Variants in HEMK1 observed in about 807,000 individuals in gnomAD.
HEMK1 encodes the protein HemK methyltransferase 1, mitochondrial release factors N(5)-glutamine, also known as MTRF1L release factor glutamine methyltransferase.
In HEMK1, 36 loss-of-function variants were observed where a neutral mutation model predicts 47.9. That is an observed-to-expected ratio of 0.75 (90% CI 0.58 to 0.99). The LOEUF is 0.99. Among genes scored for constraint, HEMK1 ranks in the 50% least tolerant of loss-of-function variants. HEMK1 has a pLI of 0.00. For missense variants in HEMK1, 383 were observed against 434.5 expected, an observed-to-expected ratio of 0.88 and a Z score of 1.05; for synonymous variants, 153 against 165.4, an observed-to-expected ratio of 0.93 and a Z score of 0.57.
chr3:50,571,050 A>T lies in HEMK1; in HGVS notation c.-55A>T, dbSNP rs139048714. The T allele has an allele frequency of 2.2e-5, 31 of 1,378,166 alleles. No individual in the cohort carries two copies. Among genetic ancestry groups the T allele is most frequent in the Non-Finnish European group, 1.0e-6 (1 of 1,004,694 alleles). The allele number at this position is 1,378,166 out of a possible 1,614,324, so 85.4% of individuals were successfully genotyped here. On this transcript the variant is annotated 5_prime_UTR_variant, in exon 2 of 11. Transcript: ENST00000232854. ...CTCAGCACTCACCTCAGCAGCTGAC[A>T]TCATAAAGCAGACTTGGGAACCTGG...
chr3:50,573,520 T>C (rs1382566271), intron 4 of HEMK1, among the ~76,000 whole-genome samples: 2 of 152,222 alleles, frequency 1.3e-5, no homozygotes, highest in Non-Finnish European at 2.9e-5. Context: ...AAGTGTGGAC[T>C]TTGGCTCCCA....
chr3:50,580,014 G>A (rs979165625), intron 9 of HEMK1, 75 bp downstream of exon 9: 32 of 1,530,884 alleles, frequency 2.1e-5, no homozygotes, highest in Non-Finnish European at 2.7e-5. Flanking sequence ...GGCAGGCCCT[G>A]GCAGAGGTCA....
chr3:50,573,624 G>A (rs1373201962), intron 4 of HEMK1, among the ~76,000 whole-genome samples: 1 of 152,216 alleles, frequency 6.6e-6, no homozygotes, highest in African/African-American at 2.4e-5. Flanking sequence ...GGGAGGCCAG[G>A]TGCTCATCTT....
At chr3:50,576,929 G>T in intron 4 of HEMK1, 123 bp from the exon 5 acceptor site, 4 of 1,178,832 alleles carry the variant, frequency 3.4e-6, no homozygotes, top group Non-Finnish European at 4.9e-6. Context: ...TGACATGAAG[G>T]TCAGTCTGGC....
rs760991226 is a variant in HEMK1, at chr3:50,577,058, G to C, written c.421G>C (p.Val141Leu). ...FIPRPETEEL[V>L]EWVLEEVAQR... ...AGATCCCTCTGCTTCACAGGAACTG[G>C]TTGAGTGGGTGCTGGAAGAGGTGGC... The change falls in exon 5 of 11, where the codon GTT becomes CTT. Residue 141 changes from valine (V) to leucine (L), a missense_variant. Coordinates refer to ENST00000232854, the MANE Select transcript of HEMK1 (RefSeq NM_016173.5). 6.2e-7 allele frequency: 1 copy of C among 1,613,860 alleles called. No individual in the cohort carries two copies. Among genetic ancestry groups the C allele is most frequent in the East Asian group, 2.2e-5 (1 of 44,886 alleles).
At chr3:50,574,929 A>G (rs1482911418) in intron 4 of HEMK1, among the ~76,000 whole-genome samples, 1 of 152,076 alleles carries the variant, frequency 6.6e-6, no homozygotes, top group East Asian at 1.9e-4. Context: ...GTGGGTGAAC[A>G]TTGTTGCTGG....
At chr3:50,575,797 G>C (rs1172799087) in intron 4 of HEMK1, among the ~76,000 whole-genome samples, 1 of 152,210 alleles carries the variant, frequency 6.6e-6, no homozygotes. Context: ...CTTTGAGAAG[G>C]AGCTACACTG....
At chr3:50,580,287 C>T in intron 10 of HEMK1, 58 bp downstream of exon 10, 2 of 1,604,906 alleles carry the variant, frequency 1.2e-6, no homozygotes, top group Non-Finnish European at 8.5e-7. Flanking sequence ...TGGGGCCATC[C>T]TCAGCCCTGG....
rs1392241518 is a variant in HEMK1, at chr3:50,583,295, A to T, written c.*2878A>T. On this transcript the variant is annotated 3_prime_UTR_variant, in exon 11 of 11. Coordinates refer to ENST00000232854, the MANE Select transcript of HEMK1 (RefSeq NM_016173.5). The stretch of plus-strand genomic sequence containing the variant: ...TTGAAATAGGCCCCGAACCCCCTAA[A>T]TGCAAAAAATACTCTTTTTTGCTCC... The T allele has an allele frequency of 1.3e-5, 2 of 152,172 alleles. No individual in the cohort carries two copies. Among genetic ancestry groups the T allele is most frequent in the African/African-American group, 4.8e-5 (2 of 41,430 alleles). 9.4% of individuals were successfully genotyped at this position (152,172 alleles called of 1,614,324 possible). A position where few individuals can be genotyped will look rare whatever the true frequency, so the allele number is the denominator to read the frequency against.
intron 1 of HEMK1, chr3:50,570,314 C>T (rs896685512): frequency 6.6e-6 from 1 of 152,194 alleles, no homozygotes; most frequent in Non-Finnish European, 1.5e-5. Context: ...TGCTTGTGAC[C>T]TCTTTAAATA....
chr3:50,593,361 GGGGCCCC>G lies in HEMK1; in HGVS notation c.*12947_*12953del, dbSNP rs1043778308. On this transcript the variant is annotated 3_prime_UTR_variant, in exon 11 of 11. Transcript: ENST00000232854. ...GGACCCTGACTGTGCACCTGACTCA[GGGGCCCC>G]GGAGAAGATTTGGTGGGCTAAGGGT... 1 of 152,176 alleles carries G rather than the reference GGGGCCCC, an allele frequency of 6.6e-6. No homozygotes were observed. Among genetic ancestry groups the G allele is most frequent in the Non-Finnish European group, 1.5e-5 (1 of 68,050 alleles). 9.4% of individuals were successfully genotyped at this position (152,176 alleles called of 1,614,324 possible). A position where few individuals can be genotyped will look rare whatever the true frequency, so the allele number is the denominator to read the frequency against.
chr3:50,572,309 C>T (rs1036706539), intron 4 of HEMK1, 101 bp downstream of exon 4: 7 of 1,258,384 alleles, frequency 5.6e-6, no homozygotes, highest in Non-Finnish European at 5.6e-6. Context: ...GGCCCCATGA[C>T]TTCAGGGACA....
In HEMK1 at chr3:50,571,246, T is replaced by G; in HGVS notation, c.142T>G (p.Trp48Gly). The G allele has an allele frequency of 1.2e-6, 2 of 1,613,608 alleles. No individual in the cohort carries two copies. Among genetic ancestry groups the G allele is most frequent in the Non-Finnish European group, 1.7e-6 (2 of 1,179,768 alleles). The change falls in exon 2 of 11, where the codon TGG becomes GGG. Residue 48 changes from tryptophan (W) to glycine (G), a missense_variant. By Grantham distance (184) the Trp-to-Gly change is radical. Coordinates refer to ENST00000232854, the MANE Select transcript of HEMK1 (RefSeq NM_016173.5). The stretch of plus-strand genomic sequence containing the variant: ...CAGTGCCATAGAACTGGTCAGCCAC[T>G]GGACTGGGGTCTTTGAGAAGAGGGG... The part of the protein sequence containing the change: ...LSSAIELVSH[W>G]TGVFEKRGIP...
At chr3:50,580,283 C>T in intron 10 of HEMK1, 54 bp downstream of exon 10, 1 of 1,603,296 alleles carries the variant, frequency 6.2e-7, no homozygotes, top group Non-Finnish European at 8.5e-7. Flanking sequence ...CCACTGGGGC[C>T]ATCCTCAGCC....
rs1169123836 is a variant in HEMK1, at chr3:50,578,941, G to A, written c.770+15G>A. The A allele has an allele frequency of 6.3e-7, 1 of 1,592,736 alleles. No homozygotes were observed. Among genetic ancestry groups the A allele is most frequent in the Non-Finnish European group, 8.6e-7 (1 of 1,165,392 alleles). On this transcript the variant is annotated intron_variant, in intron 8 of 10. Transcript: ENST00000232854. ...GAGATCCGCAGGTGCTAAGCAGGGT[G>A]GGCCAGGGAGGCCAGGCCTGAAAAG...
At chr3:50,570,336 A>G (rs967708191) in intron 1 of HEMK1, 18 of 152,290 alleles carry the variant, frequency 1.2e-4, no homozygotes, top group African/African-American at 4.3e-4. Flanking sequence ...ACAATTGTAA[A>G]TTTTTTAGTT....
chr3:50,589,348 A>G lies in HEMK1; in HGVS notation c.*8931A>G, dbSNP rs1375740666. On this transcript the variant is annotated 3_prime_UTR_variant, in exon 11 of 11. Transcript: ENST00000232854. The stretch of plus-strand genomic sequence containing the variant: ...TCAGCACAAACCCTGTTCTCTGAGC[A>G]CATAGGAAGGATTCTAATGTGTCAT... 6.6e-6 allele frequency: 1 copy of G among 152,226 alleles called. No homozygotes were observed. The highest frequency in any genetic ancestry group is 2.4e-5 in the African/African-American group (1 of 41,452). 9.4% of individuals were successfully genotyped at this position (152,226 alleles called of 1,614,324 possible).
chr3:50,583,619 G>T lies in HEMK1; in HGVS notation c.*3202G>T, dbSNP rs748117212. 6.6e-6 allele frequency: 1 copy of T among 152,266 alleles called. No homozygotes were observed. Among genetic ancestry groups the T allele is most frequent in the Non-Finnish European group, 1.5e-5 (1 of 68,080 alleles). 9.4% of individuals were successfully genotyped at this position (152,266 alleles called of 1,614,324 possible). A position where few individuals can be genotyped will look rare whatever the true frequency, so the allele number is the denominator to read the frequency against. On this transcript the variant is annotated 3_prime_UTR_variant, in exon 11 of 11. Transcript: ENST00000232854. ...AGCATGTCTTTCCCTATCCACCTTC[G>T]ATTCTTTTCTCTTTTTTTTCTTCAT...
Position 50,571,299 on chromosome 3 carries a change from G to A in HEMK1, c.195G>A (p.Glu65=). The change falls in exon 2 of 11, where the codon GAG becomes GAA. Residue 65 remains glutamate (E), a synonymous_variant. Transcript: ENST00000232854. ...RGIPEARESS[E]YIVAHVLGAK... Reference sequence around the variant, plus strand: ...TCCCTGAGGCCCGGGAATCCAGTGAGTACATCGTGGCTCATGTCCTTGGAG... The same window carrying A: ...TCCCTGAGGCCCGGGAATCCAGTGAATACATCGTGGCTCATGTCCTTGGAG... 6.2e-7 allele frequency: 1 copy of A among 1,608,660 alleles called. No individual in the cohort carries two copies. Among genetic ancestry groups the A allele is most frequent in the South Asian group, 1.1e-5 (1 of 90,256 alleles).
Sources: gnomAD v4.1 joint callset for allele counts (sites outside exome capture counted in the v4.1 genomes callset) on GRCh38, gnomAD v4.1.1 for gene constraint, MANE v1.5 for transcripts, NCBI Gene and HGNC (gene_info 2026-07-23, HGNC 2026-07-21) for gene names.